DDI2: variants seen among roughly 807,000 people sequenced by gnomAD.
DDI2 encodes the protein DDI proteasomal shuttling factor 2.
In DDI2, 5 loss-of-function variants were observed where a neutral mutation model predicts 48.1. The ratio of observed to expected loss-of-function variants is 0.10; its 90% confidence interval spans 0.05 to 0.22. DDI2 has a LOEUF of 0.22. DDI2 is among the 10% of genes least tolerant of loss of function. The pLI is 1.00. For missense variants in DDI2, 285 were observed against 506.2 expected (o/e 0.56, Z 4.19); for synonymous variants, 205 against 183.6 (o/e 1.12, Z -0.94).
intron 4 of DDI2, among the ~76,000 whole-genome samples, chr1:15,637,924 G>A (rs1252327588): frequency 6.6e-6 from 1 of 152,166 alleles, no homozygotes; most frequent in African/African-American, 2.4e-5. Context: ...TGAACTTTTT[G>A]TAATGTTCTG....
At chr1:15,637,829 T>C (rs1177080162) in intron 4 of DDI2, among the ~76,000 whole-genome samples, 1 of 152,178 alleles carries the variant, frequency 6.6e-6, no homozygotes, top group Non-Finnish European at 1.5e-5. Flanking sequence ...ACAGTTATCC[T>C]TAGTGTACAG....
intron 1 of DDI2, among the ~76,000 whole-genome samples, chr1:15,620,169 A>C (rs1479571881): frequency 6.6e-6 from 1 of 152,146 alleles, no homozygotes; most frequent in Non-Finnish European, 1.5e-5. Context: ...TTGGGCTCCA[A>C]CTGGTGTTAA....
chr1:15,634,539 C>CTTT (rs370728497), intron 4 of DDI2, among the ~76,000 whole-genome samples: 2 of 100,138 alleles, frequency 2.0e-5, no homozygotes, highest in African/African-American at 4.5e-5. Flanking sequence ...TTCTTTTTAT[C>CTTT]TTTTTTTTTT....
intron 8 of DDI2, among the ~76,000 whole-genome samples, chr1:15,652,791 C>G (rs1640212395): frequency 6.6e-6 from 1 of 151,642 alleles, no homozygotes; most frequent in Non-Finnish European, 1.5e-5. Context: ...CCACTGCACT[C>G]CAGCCTGGGT....
At chr1:15,635,756 C>A (rs536394224) in intron 4 of DDI2, among the ~76,000 whole-genome samples, 1 of 152,178 alleles carries the variant, frequency 6.6e-6, no homozygotes, top group Non-Finnish European at 1.5e-5. Context: ...AGACTCTCTA[C>A]ATATGGACCC....
chr1:15,661,780 CTA>C lies in DDI2; in HGVS notation c.*1995_*1996del. ...CCCTTTAAACAAAAGAAAGCTCTCT[CTA>C]TATACACGCACACATACACACTCAC... On this transcript the variant is annotated 3_prime_UTR_variant, in exon 10 of 10. Transcript: ENST00000480945. The C allele has an allele frequency of 6.5e-7, 1 of 1,528,354 alleles. No homozygotes were observed. The highest frequency in any genetic ancestry group is 8.8e-7 in the Non-Finnish European group (1 of 1,139,448). 94.7% of individuals were successfully genotyped at this position (1,528,354 alleles called of 1,614,324 possible). A position where few individuals can be genotyped will look rare whatever the true frequency, so the allele number is the denominator to read the frequency against.
chr1:15,659,219 T>C (rs1640319101), intron 9 of DDI2, among the ~76,000 whole-genome samples: 1 of 152,216 alleles, frequency 6.6e-6, no homozygotes, highest in South Asian at 2.1e-4. Context: ...TTATTTCTCT[T>C]TATAATTCCC....
rs1639580614 is a variant in DDI2, at chr1:15,617,527, C to G, written c.-144C>G. 4 of 542,564 alleles carry G rather than the reference C, an allele frequency of 7.4e-6. No homozygotes were observed. Among genetic ancestry groups the G allele is most frequent in the Non-Finnish European group, 5.5e-6 (2 of 363,918 alleles). 33.6% of individuals were successfully genotyped at this position (542,564 alleles called of 1,614,324 possible). ...GGGCGGGAGGGAGTGACTCACTGAG[C>G]GTGTGTGAGGGAGGGAGCGAGCGAG... is the stretch of plus-strand genomic sequence containing the variant. On this transcript the variant is annotated 5_prime_UTR_variant, in exon 1 of 10. Transcript: ENST00000480945.
In DDI2 at chr1:15,664,434, CAAAAAAAAAA is replaced by C. The variant is rs566819484; in HGVS notation, c.*4652_*4661del. On this transcript the variant is annotated 3_prime_UTR_variant, in exon 10 of 10. Transcript: ENST00000480945. Reference sequence around the variant, plus strand: ...CGGCAGAGTGAGACTCTGTCTCACCCAAAAAAAAAAAAAAAAAGCTATTGACACTGTTAAT... The same window carrying C: ...CGGCAGAGTGAGACTCTGTCTCACCCAAAAAAAGCTATTGACACTGTTAAT... 1 of 81,186 alleles carries C rather than the reference CAAAAAAAAAA, an allele frequency of 1.2e-5. No individual in the cohort carries two copies. Among genetic ancestry groups the C allele is most frequent in the Non-Finnish European group, 2.8e-5 (1 of 35,218 alleles). 5.0% of individuals were successfully genotyped at this position (81,186 alleles called of 1,614,324 possible).
chr1:15,641,954 TCAAAAAAA>T (rs1484652810), intron 5 of DDI2, among the ~76,000 whole-genome samples: 2 of 51,512 alleles, frequency 3.9e-5, no homozygotes, highest in African/African-American at 1.4e-4. Context: ...AAATTCAGTC[TCAAAAAAA>T]AAAAAAAAAA....
In DDI2 at chr1:15,630,309, T is replaced by A; in HGVS notation, c.269-16T>A. 1 of 1,612,530 alleles carries A rather than the reference T, an allele frequency of 6.2e-7. No individual in the cohort carries two copies. Among genetic ancestry groups the A allele is most frequent in the Non-Finnish European group, 8.5e-7 (1 of 1,178,756 alleles). ...GTAGAGTAATTTGAGTAAACTGAATTGATTTTCCCCAACAGACTTACCCCG... is the reference window on the plus strand; with the variant it reads ...GTAGAGTAATTTGAGTAAACTGAATAGATTTTCCCCAACAGACTTACCCCG... On this transcript the variant is annotated splice_polypyrimidine_tract_variant and intron_variant, in intron 2 of 9. Coordinates refer to ENST00000480945, the MANE Select transcript of DDI2 (RefSeq NM_032341.5).
At position 15,660,755 on chromosome 1, in the gene DDI2, C is replaced by G. The variant is rs1484150061; in HGVS notation, c.*965C>G. Reference sequence around the variant, plus strand: ...GAAGTAGAAACATCAAAATGTAACCCTTCATCTGAAATTTTGAATGATTCC... The same window carrying G: ...GAAGTAGAAACATCAAAATGTAACCGTTCATCTGAAATTTTGAATGATTCC... On this transcript the variant is annotated 3_prime_UTR_variant, in exon 10 of 10. Coordinates refer to ENST00000480945, the MANE Select transcript of DDI2 (RefSeq NM_032341.5). 1 of 1,613,638 alleles carries G rather than the reference C, an allele frequency of 6.2e-7. No homozygotes were observed. Among genetic ancestry groups the G allele is most frequent in the Non-Finnish European group, 8.5e-7 (1 of 1,179,930 alleles).
chr1:15,647,140 CT>C (rs1209314454), intron 6 of DDI2, among the ~76,000 whole-genome samples: 8 of 151,436 alleles, frequency 5.3e-5, no homozygotes, highest in Non-Finnish European at 1.0e-4. Flanking sequence ...TGGGTTGTTT[CT>C]TTTTTTCTTT....
At chr1:15,651,968 G>A (rs1252200982) in intron 8 of DDI2, 73 bp downstream of exon 8, 9 of 1,443,812 alleles carry the variant, frequency 6.2e-6, no homozygotes, top group East Asian at 4.8e-5. Context: ...CTTCAGAAGG[G>A]GTAGGAACCT....
rs940631757 is a variant in DDI2, at chr1:15,663,855, G to A, written c.*4065G>A. On this transcript the variant is annotated 3_prime_UTR_variant, in exon 10 of 10. Coordinates refer to ENST00000480945, the MANE Select transcript of DDI2 (RefSeq NM_032341.5). The stretch of plus-strand genomic sequence containing the variant: ...CCCTCCTAAAGGGCCTTCCATGTAA[G>A]CAGAACGAACCTTGGCACACAATTC... The A allele has an allele frequency of 6.6e-6, 1 of 152,170 alleles. No individual in the cohort carries two copies. Among genetic ancestry groups the A allele is most frequent in the Non-Finnish European group, 1.5e-5 (1 of 68,040 alleles). The allele number at this position is 152,170 out of a possible 1,614,324, so 9.4% of individuals were successfully genotyped here.
rs1479465319 is a variant in DDI2 at position 15,638,515 on chromosome 1, G to A, written c.760+81G>A. On this transcript the variant is annotated intron_variant, in intron 5 of 9. Transcript: ENST00000480945. Reference sequence around the variant, plus strand: ...GGGAGAAGGGGAGGCTCAAGCATCCGTTCAGATGGCTGTACTTTTTTTTTT... The same window carrying A: ...GGGAGAAGGGGAGGCTCAAGCATCCATTCAGATGGCTGTACTTTTTTTTTT... 32 of 1,187,834 alleles carry A rather than the reference G, an allele frequency of 2.7e-5. No homozygotes were observed. The Admixed American group carries it at 5.6e-4, about 21-fold the overall frequency. 73.6% of individuals were successfully genotyped at this position (1,187,834 alleles called of 1,614,324 possible). A position where few individuals can be genotyped will look rare whatever the true frequency, so the allele number is the denominator to read the frequency against.
chr1:15,653,253 GTTTTATTTTATTTTATTTA>G (rs1230008526), intron 8 of DDI2, among the ~76,000 whole-genome samples: 1 of 151,022 alleles, frequency 6.6e-6, no homozygotes. Context: ...TCTTAGGACT[GTTTTATTTTATTTTATTTA>G]TTTTATTTTA....
rs1286759419 is a variant in DDI2, at chr1:15,667,544, AG to A, written c.*7755del. Reference sequence around the variant, plus strand: ...GGTTCTGCAGGATGTGCTATTTTAAAGCAGCTGGGTGCAACTTGTGAAAACG... The same window carrying A: ...GGTTCTGCAGGATGTGCTATTTTAAACAGCTGGGTGCAACTTGTGAAAACG... On this transcript the variant is annotated 3_prime_UTR_variant, in exon 10 of 10. Transcript: ENST00000480945. The A allele has an allele frequency of 6.6e-6, 1 of 152,270 alleles. No homozygotes were observed. The highest frequency in any genetic ancestry group is 1.9e-4 in the East Asian group (1 of 5,200). 9.4% of individuals were successfully genotyped at this position (152,270 alleles called of 1,614,324 possible).
intron 5 of DDI2, among the ~76,000 whole-genome samples, chr1:15,639,515 G>A (rs1639974988): frequency 6.6e-6 from 1 of 152,168 alleles, no homozygotes; most frequent in Non-Finnish European, 1.5e-5. Flanking sequence ...ACCCAGGCTA[G>A]AGTGCAGTGG....
Sources: allele counts gnomAD v4.1 joint callset (sites outside exome capture counted in the v4.1 genomes callset), GRCh38; gene constraint gnomAD v4.1.1; transcripts MANE v1.5; gene names NCBI Gene and HGNC (gene_info 2026-07-23, HGNC 2026-07-21).